SDR16C5: variants seen among roughly 807,000 people sequenced by gnomAD.
SDR16C5 encodes short chain dehydrogenase/reductase family 16C member 5, also known as epidermal retinol dehydrogenase 2.
SDR16C5 carries 20 observed loss-of-function variants against 27.7 expected under a neutral mutation model. The ratio of observed to expected loss-of-function variants is 0.72; its 90% confidence interval spans 0.51 to 1.05. The LOEUF is 1.05. Ranked by LOEUF, SDR16C5 falls within the 50% of genes least tolerant of loss-of-function variation. The pLI is 0.00. For synonymous variants in SDR16C5, 139 were observed against 132.3 expected (o/e 1.05, Z -0.35); for missense variants, 374 against 366.3 (o/e 1.02, Z -0.17).
At chr8:56,314,844 C>T (rs1052484476) in intron 2 of SDR16C5, among the ~76,000 whole-genome samples, 2 of 152,220 alleles carry the variant, frequency 1.3e-5, no homozygotes, top group Admixed American at 6.5e-5. Context: ...AGGCTGCTCA[C>T]GGCAGGCTTG....
At chr8:56,305,782 A>G (rs1160784202) in intron 5 of SDR16C5, 60 bp from the exon 6 acceptor site, 80 of 1,517,570 alleles carry the variant, frequency 5.3e-5, no homozygotes, top group Non-Finnish European at 3.5e-6. Context: ...ATAAATAAAG[A>G]TAATTTTTCA....
chr8:56,309,624 A>C (rs1443038038), intron 3 of SDR16C5: 1 of 975,902 alleles, frequency 1.0e-6, no homozygotes, highest in Non-Finnish European at 1.2e-6. Context: ...TGAGCTTTTA[A>C]GGAAGACATC....
chr8:56,302,601 A>C lies in SDR16C5; in HGVS notation c.837-1028T>G, dbSNP rs1025223307. Among the ~76,000 whole-genome samples the C allele has an allele frequency of 4.1e-5, 6 of 147,798 alleles. 1 individual carries two copies. Among genetic ancestry groups the C allele is most frequent in the Middle Eastern group, 3.5e-3 (1 of 286 alleles). On this transcript the variant is annotated intron_variant, in intron 6 of 6. Transcript: ENST00000303749. ...GGCAGGAGAATCACTTGAACCCGGG[A>C]GGTGGGGGTTGCAGTGAGGCATGAT...
At chr8:56,315,398 T>C (rs945864654) in intron 2 of SDR16C5, among the ~76,000 whole-genome samples, 3 of 152,172 alleles carry the variant, frequency 2.0e-5, no homozygotes, top group Non-Finnish European at 4.4e-5. Flanking sequence ...GCTGAGTCTT[T>C]AGGATTAATA....
intron 1 of SDR16C5, among the ~76,000 whole-genome samples, chr8:56,318,213 A>G (rs1377113557): frequency 6.6e-6 from 1 of 152,216 alleles, no homozygotes; most frequent in Non-Finnish European, 1.5e-5. Flanking sequence ...TGTCCAGAGA[A>G]TAAGAATGTT....
intron 4 of SDR16C5, among the ~76,000 whole-genome samples, chr8:56,307,265 T>G (rs916791949): frequency 3.0e-4 from 46 of 152,150 alleles, no homozygotes; most frequent in Non-Finnish European, 3.1e-4. Flanking sequence ...AGATGAAGTT[T>G]TCTTCCAACT....
chr8:56,312,294 T>C lies in SDR16C5; in HGVS notation c.334-6A>G, dbSNP rs761989301. The C allele has an allele frequency of 3.7e-6, 6 of 1,612,904 alleles. No homozygotes were observed. Among genetic ancestry groups the C allele is most frequent in the Non-Finnish European group, 1.7e-6 (2 of 1,178,924 alleles). On this transcript the variant is annotated splice_region_variant and splice_polypyrimidine_tract_variant and intron_variant, in intron 2 of 6. Transcript: ENST00000303749. Reference sequence around the variant, plus strand: ...TCGCCGACTTCTTTTTTAACCTGAATTGAATAAGAGCAACACCACCAATGT... The same window carrying C: ...TCGCCGACTTCTTTTTTAACCTGAACTGAATAAGAGCAACACCACCAATGT...
At chr8:56,303,956 G>C in intron 6 of SDR16C5, 1 of 702,776 alleles carries the variant, frequency 1.4e-6, no homozygotes, top group Middle Eastern at 2.3e-4. Flanking sequence ...TAAAGGGCAC[G>C]CTCAGAGTCA....
intron 4 of SDR16C5, among the ~76,000 whole-genome samples, chr8:56,308,634 C>A (rs973020084): frequency 1.3e-5 from 2 of 152,154 alleles, no homozygotes; most frequent in Non-Finnish European, 2.9e-5. Context: ...CTTTGGTGGA[C>A]AGTTGTTTTG....
chr8:56,302,757 G>A (rs1477375575), intron 6 of SDR16C5, among the ~76,000 whole-genome samples: 1 of 151,672 alleles, frequency 6.6e-6, no homozygotes, highest in East Asian at 1.9e-4. Flanking sequence ...GAGGTGGGAG[G>A]ATTGCTTGAA....
chr8:56,304,353 G>T (rs1204588412), intron 6 of SDR16C5, among the ~76,000 whole-genome samples: 1 of 152,186 alleles, frequency 6.6e-6, no homozygotes, highest in African/African-American at 2.4e-5. Flanking sequence ...TCCTCACACA[G>T]CAGAAAGCCC....
At chr8:56,307,863 C>T (rs951108769) in intron 4 of SDR16C5, among the ~76,000 whole-genome samples, 10 of 152,160 alleles carry the variant, frequency 6.6e-5, no homozygotes, top group African/African-American at 2.4e-4. Flanking sequence ...AAGGCTTATA[C>T]TTGTTTCTAA....
intron 4 of SDR16C5, among the ~76,000 whole-genome samples, chr8:56,307,951 A>C (rs1814927454): frequency 6.6e-6 from 1 of 152,210 alleles, no homozygotes; most frequent in Non-Finnish European, 1.5e-5. Flanking sequence ...GGAGCTGTAA[A>C]TATACCTGAA....
intron 2 of SDR16C5, among the ~76,000 whole-genome samples, chr8:56,312,776 AG>A (rs757149984): frequency 1.8e-5 from 1 of 56,740 alleles, no homozygotes. Flanking sequence ...CCACACACCA[AG>A]TTTTTTTTTT....
chr8:56,312,365 G>GT (rs893697388), intron 2 of SDR16C5, 77 bp from the exon 3 acceptor site: 197 of 1,348,962 alleles, frequency 1.5e-4, no homozygotes, highest in Middle Eastern at 3.7e-4. Context: ...AGAGTTTTAT[G>GT]TTTTTTTTAT....
At chr8:56,309,151 G>A in intron 3 of SDR16C5, 124 bp from the exon 4 acceptor site, 1 of 887,706 alleles carries the variant, frequency 1.1e-6, no homozygotes, top group Non-Finnish European at 1.5e-6. Flanking sequence ...TGAAGGTATG[G>A]GGATATAAAA....
At chr8:56,315,476 G>A (rs1417549466) in intron 2 of SDR16C5, among the ~76,000 whole-genome samples, 2 of 152,170 alleles carry the variant, frequency 1.3e-5, no homozygotes, top group Non-Finnish European at 2.9e-5. Flanking sequence ...CTGTGGTGGA[G>A]TGGACACAGC....
intron 3 of SDR16C5, chr8:56,309,676 G>A: frequency 1.4e-6 from 1 of 720,410 alleles, no homozygotes; most frequent in Non-Finnish European, 1.7e-6. Context: ...AAGACAAGGA[G>A]GTGAGAAAAG....
chr8:56,316,622 TTAACCAGGAACTG>T (rs1815205905), intron 1 of SDR16C5, among the ~76,000 whole-genome samples: 1 of 152,204 alleles, frequency 6.6e-6, no homozygotes, highest in African/African-American at 2.4e-5. Context: ...GAAATGTTTG[TTAACCAGGAACTG>T]TAACCACCAC....
Sources: allele counts gnomAD v4.1 joint callset (sites outside exome capture counted in the v4.1 genomes callset), GRCh38; gene constraint gnomAD v4.1.1; transcripts MANE v1.5; gene names NCBI Gene and HGNC (gene_info 2026-07-23, HGNC 2026-07-21).